The following TUT4 variants were observed in gnomAD, a reference collection of about 807,000 sequenced individuals.
TUT4 encodes the protein terminal uridylyl transferase 4, also known as terminal uridylyltransferase 4.
Under a neutral mutation model 192.2 loss-of-function variants are expected in TUT4, and 36 were observed. The observed-to-expected ratio is 0.19, with a 90% confidence interval of 0.14 to 0.25. The LOEUF is 0.25. TUT4 is among the 10% of genes least tolerant of loss of function. The pLI is 1.00. For synonymous variants in TUT4, 618 were observed against 666.0 expected (o/e 0.93, Z 1.11); for missense variants, 1,493 against 1,957.2 (o/e 0.76, Z 4.47).
chr1:52,424,268 TC>T (rs1649057287), intron 29 of TUT4: 1 of 439,366 alleles, frequency 2.3e-6, no homozygotes, highest in Admixed American at 3.8e-5. Flanking sequence ...GACTCTCCCC[TC>T]CTAAAAGGGC....
At chr1:52,471,087 G>A (rs1665642956) in intron 14 of TUT4, among the ~76,000 whole-genome samples, 1 of 142,582 alleles carries the variant, frequency 7.0e-6, no homozygotes, top group African/African-American at 2.7e-5. Flanking sequence ...CATAATCTTG[G>A]CTCACCACAA....
chr1:52,512,464 G>A (rs1571146184), intron 3 of TUT4, among the ~76,000 whole-genome samples: 2 of 152,244 alleles, frequency 1.3e-5, no homozygotes, highest in African/African-American at 4.8e-5. Context: ...ACCAATAAGT[G>A]GCAGAGCTAG....
intron 20 of TUT4, among the ~76,000 whole-genome samples, chr1:52,453,369 C>T (rs753814659): frequency 6.7e-6 from 1 of 149,586 alleles, no homozygotes; most frequent in Non-Finnish European, 1.5e-5. Context: ...GTGACAAGAG[C>T]GAAACTCCGT....
intron 27 of TUT4, chr1:52,432,965 G>A (rs1198688782): frequency 6.6e-6 from 1 of 152,334 alleles, no homozygotes; most frequent in African/African-American, 2.4e-5. Flanking sequence ...AAAGGCTGTT[G>A]AGACTGATTA....
chr1:52,439,416 C>T (rs572706487), intron 24 of TUT4, among the ~76,000 whole-genome samples: 2 of 152,282 alleles, frequency 1.3e-5, no homozygotes, highest in South Asian at 4.1e-4. Context: ...TAGAACCAGA[C>T]TTATTTCTGC....
chr1:52,465,006 A>C (rs1663724676), intron 16 of TUT4, 64 bp downstream of exon 16: 2 of 1,307,158 alleles, frequency 1.5e-6, no homozygotes, highest in South Asian at 1.4e-5. Context: ...TCACATACAA[A>C]AATAAACATA....
chr1:52,551,808 T>G (rs1208268905), intron 1 of TUT4, among the ~76,000 whole-genome samples: 2 of 152,218 alleles, frequency 1.3e-5, no homozygotes, highest in Non-Finnish European at 2.9e-5. Context: ...TCCAATTTTA[T>G]TAGCTAACAG....
At chr1:52,518,730 T>G (rs1571213531) in intron 2 of TUT4, among the ~76,000 whole-genome samples, 2 of 152,322 alleles carry the variant, frequency 1.3e-5, no homozygotes, top group South Asian at 4.1e-4. Flanking sequence ...TATTGTATGA[T>G]TTCATTTCTA....
chr1:52,508,161 G>A (rs1053385305), intron 4 of TUT4, among the ~76,000 whole-genome samples: 8 of 151,688 alleles, frequency 5.3e-5, no homozygotes, highest in Middle Eastern at 6.8e-3. Context: ...GTGAAACCCC[G>A]TCTCTATTAA....
Position 52,524,428 on chromosome 1 carries a change from G to A in TUT4, c.718+1135C>T, listed in dbSNP as rs556040218. Among the ~76,000 whole-genome samples the A allele has an allele frequency of 1.5e-4, 23 of 152,118 alleles. 1 individual carries two copies. The South Asian group carries it at 4.8e-3, about 32-fold the overall frequency. ...CTCCCAGCTACTCGGAGAGGCTGAG[G>A]CAGGAGAATGGCGTGAACCCGGGAG... On this transcript the variant is annotated intron_variant, in intron 2 of 29. Transcript: ENST00000257177.
chr1:52,549,041 T>C (rs186410476), intron 1 of TUT4, among the ~76,000 whole-genome samples: 73 of 152,298 alleles, frequency 4.8e-4, no homozygotes, highest in African/African-American at 1.4e-3. Context: ...ACAGTAAGAT[T>C]TGGATCACAG....
chr1:52,480,536 C>T (rs999771018), intron 11 of TUT4, among the ~76,000 whole-genome samples: 1 of 152,084 alleles, frequency 6.6e-6, no homozygotes, highest in Non-Finnish European at 1.5e-5. Flanking sequence ...TAAGAAGTTT[C>T]GCTGCAAAAG....
At chr1:52,468,119 A>G (rs969049712) in intron 15 of TUT4, 62 bp downstream of exon 15, 1 of 1,223,782 alleles carries the variant, frequency 8.2e-7, no homozygotes, top group Non-Finnish European at 1.2e-6. Context: ...TTTTAAATAA[A>G]TGAAACTCAA....
At chr1:52,444,286 A>C (rs1656688596) in intron 24 of TUT4, among the ~76,000 whole-genome samples, 1 of 152,184 alleles carries the variant, frequency 6.6e-6, no homozygotes, top group African/African-American at 2.4e-5. Context: ...TTTCGTTTTT[A>C]CATTTTTTGC....
intron 16 of TUT4, chr1:52,463,817 C>G (rs1202088503): frequency 7.7e-7 from 1 of 1,301,342 alleles, no homozygotes; most frequent in East Asian, 5.5e-5. Flanking sequence ...CCCACTCTTA[C>G]TGCTGAAATT....
intron 3 of TUT4, among the ~76,000 whole-genome samples, chr1:52,511,280 T>C (rs1217719530): frequency 6.6e-6 from 1 of 152,158 alleles, no homozygotes; most frequent in Admixed American, 6.5e-5. Context: ...TTCTCTAGCA[T>C]AAAAATTCTG....
chr1:52,546,746 G>A (rs1308511135), intron 1 of TUT4, among the ~76,000 whole-genome samples: 5 of 152,134 alleles, frequency 3.3e-5, no homozygotes, highest in African/African-American at 1.2e-4. Context: ...TGGTTAATTT[G>A]TTATGTACAC....
At chr1:52,495,809 T>C (rs1672311359) in intron 5 of TUT4, among the ~76,000 whole-genome samples, 1 of 152,164 alleles carries the variant, frequency 6.6e-6, no homozygotes, top group South Asian at 2.1e-4. Context: ...TAGCATTCAA[T>C]ATATAACAGT....
rs1663293835 is a variant in TUT4 at position 52,463,799 on chromosome 1, CG to C, written c.3069+1270del. 4 of 1,303,808 alleles carry C rather than the reference CG, an allele frequency of 3.1e-6. No homozygotes were observed. In the South Asian group the frequency reaches 3.7e-5, roughly 12 times the overall value. The allele number at this position is 1,303,808 out of a possible 1,614,324, so 80.8% of individuals were successfully genotyped here. A position where few individuals can be genotyped will look rare whatever the true frequency, so the allele number is the denominator to read the frequency against. ...AGGCCTGGTATACAAAAAAGGAAAG[CG>C]TAAGTACCCACTCTTACTGCTGAAA... On this transcript the variant is annotated intron_variant, in intron 16 of 29. Coordinates refer to ENST00000257177, the MANE Select transcript of TUT4 (RefSeq NM_001009881.3).
Sources: allele counts gnomAD v4.1 joint callset (sites outside exome capture counted in the v4.1 genomes callset), GRCh38; gene constraint gnomAD v4.1.1; transcripts MANE v1.5; gene names NCBI Gene and HGNC (gene_info 2026-07-23, HGNC 2026-07-21).